The following SIRT5 variants were observed in gnomAD, a reference collection of about 807,000 sequenced individuals.
SIRT5 encodes NAD-dependent protein deacylase sirtuin-5, mitochondrial.
A neutral mutation model predicts 40.0 loss-of-function variants in SIRT5; 26 were observed. The ratio of observed to expected loss-of-function variants is 0.65; its 90% confidence interval spans 0.48 to 0.90. The LOEUF is 0.90. Ranked by LOEUF, SIRT5 falls within the 40% of genes least tolerant of loss-of-function variation. SIRT5 has a pLI of 0.00. For missense variants in SIRT5, 401 were observed against 402.4 expected, an observed-to-expected ratio of 1.00 and a Z score of 0.03; for synonymous variants, 146 against 149.1, an observed-to-expected ratio of 0.98 and a Z score of 0.15.
Position 13,613,065 on chromosome 6 carries a change from G to A in SIRT5, c.*1200G>A, listed in dbSNP as rs909512467. The A allele has an allele frequency of 2.0e-5, 3 of 152,380 alleles. No individual in the cohort carries two copies. The highest frequency in any genetic ancestry group is 2.0e-4 in the Admixed American group (3 of 15,282). The allele number at this position is 152,380 out of a possible 1,614,324, so 9.4% of individuals were successfully genotyped here. On this transcript the variant is annotated 3_prime_UTR_variant, in exon 10 of 10. Coordinates refer to ENST00000606117, the MANE Select transcript of SIRT5 (RefSeq NM_012241.5). ...CTGGAGCTAGTGAAGGAAACATAGG[G>A]TTTATTTGGGGAACCTTACAGGGTG... is the stretch of plus-strand genomic sequence containing the variant.
intron 3 of SIRT5, among the ~76,000 whole-genome samples, 184 bp from the exon 4 acceptor site, chr6:13,588,146 CT>C (rs778386439): frequency 1.3e-5 from 2 of 152,200 alleles, no homozygotes; most frequent in Non-Finnish European, 2.9e-5. Context: ...GCCCCTGCTG[CT>C]TTAAAATATT....
In SIRT5 at chr6:13,584,374, C is replaced by T. The variant is rs556069379; in HGVS notation, c.115+149C>T. The T allele has an allele frequency of 1.1e-4, 70 of 648,216 alleles. 2 individuals are homozygous for T. The highest frequency in any genetic ancestry group is 8.0e-4 in the South Asian group (42 of 52,766). 40.2% of individuals were successfully genotyped at this position (648,216 alleles called of 1,614,324 possible). A position where few individuals can be genotyped will look rare whatever the true frequency, so the allele number is the denominator to read the frequency against. On this transcript the variant is annotated intron_variant, in intron 3 of 9. Coordinates refer to ENST00000606117, the MANE Select transcript of SIRT5 (RefSeq NM_012241.5). Reference sequence around the variant, plus strand: ...TCATCTTCTCTTTTTTTTTTTGAGACGGAGTCTTGCTCTGTCGCCAGGCTG... The same window carrying T: ...TCATCTTCTCTTTTTTTTTTTGAGATGGAGTCTTGCTCTGTCGCCAGGCTG...
chr6:13,602,686 G>C (rs1177410933), intron 9 of SIRT5, among the ~76,000 whole-genome samples: 1 of 152,168 alleles, frequency 6.6e-6, no homozygotes, highest in Non-Finnish European at 1.5e-5. Context: ...AAGACAATTT[G>C]ATGAAATACA....
rs373554074 is a variant in SIRT5, at chr6:13,593,766, T to C, written c.476-1711T>C. On this transcript the variant is annotated intron_variant, in intron 5 of 9. Transcript: ENST00000606117. ...ATTATTCTATACTTAGAGAAAGAGC[T>C]TGTTAAAACTTAGACACGTTCTTTA... Among the ~76,000 whole-genome samples, 11 of 152,346 alleles carry C rather than the reference T, an allele frequency of 7.2e-5. No individual in the cohort carries two copies. The East Asian group carries it at 1.7e-3, about 24-fold the overall frequency.
At chr6:13,597,109 C>T (rs762359998) in intron 7 of SIRT5, 93 bp downstream of exon 7, 12 of 968,202 alleles carry the variant, frequency 1.2e-5, no homozygotes, top group East Asian at 2.5e-5. Context: ...TTTGGCAAGA[C>T]GCCTCTTAAA....
In SIRT5 at chr6:13,614,563, G is replaced by GGTATA. The variant is rs1764194341; in HGVS notation, c.*2698_*2699insGTATA. 6.6e-6 allele frequency: 1 copy of GGTATA among 152,248 alleles called. No homozygotes were observed. Among genetic ancestry groups the GGTATA allele is most frequent in the African/African-American group, 2.4e-5 (1 of 41,458 alleles). The allele number at this position is 152,248 out of a possible 1,614,324, so 9.4% of individuals were successfully genotyped here. ...TAAAATATACTTGGAAAAAAAGTACGTATGTGTATATACCACAAAACTCGG... is the reference window on the plus strand; with the variant it reads ...TAAAATATACTTGGAAAAAAAGTACGGTATATATGTGTATATACCACAAAACTCGG... On this transcript the variant is annotated 3_prime_UTR_variant, in exon 10 of 10. Transcript: ENST00000606117.
At chr6:13,587,555 G>T (rs1349834384) in intron 3 of SIRT5, among the ~76,000 whole-genome samples, 3 of 152,218 alleles carry the variant, frequency 2.0e-5, no homozygotes, top group Non-Finnish European at 4.4e-5. Flanking sequence ...CACTTGGGGT[G>T]CAGGGAGCCC....
chr6:13,590,322 G>T (rs1322180188), intron 4 of SIRT5, among the ~76,000 whole-genome samples: 1 of 151,966 alleles, frequency 6.6e-6, no homozygotes, highest in Admixed American at 6.6e-5. Context: ...ACCCCTACTC[G>T]GCTCCTTTAC....
intron 5 of SIRT5, 51 bp from the exon 6 acceptor site, chr6:13,595,426 G>C (rs1281117497): frequency 3.7e-6 from 5 of 1,353,218 alleles, no homozygotes; most frequent in Non-Finnish European, 4.2e-6. Flanking sequence ...CATGGAGAAG[G>C]TTGCTCTTGA....
intron 2 of SIRT5, among the ~76,000 whole-genome samples, chr6:13,581,315 C>G (rs953459117): frequency 6.6e-6 from 1 of 152,186 alleles, no homozygotes; most frequent in Admixed American, 6.5e-5. Context: ...AACTTTGATA[C>G]TTTTCTGAAG....
At chr6:13,592,034 G>A (rs1175489052) in intron 5 of SIRT5, 140 bp downstream of exon 5, 2 of 865,846 alleles carry the variant, frequency 2.3e-6, no homozygotes, top group East Asian at 5.5e-5. Context: ...ATTTCCTTTG[G>A]GGACATGTTA....
chr6:13,586,083 TG>T (rs1359535638), intron 3 of SIRT5, among the ~76,000 whole-genome samples: 1 of 152,230 alleles, frequency 6.6e-6, no homozygotes, highest in Non-Finnish European at 1.5e-5. Context: ...CACTTTTTGA[TG>T]GGGTTGTGTG....
chr6:13,574,991 G>A (rs925395876), intron 1 of SIRT5, among the ~76,000 whole-genome samples: 4 of 152,170 alleles, frequency 2.6e-5, no homozygotes, highest in Admixed American at 1.3e-4. Context: ...GATTCCGGAC[G>A]TAGTTTGAAG....
chr6:13,604,948 GAAGGAGTAACTGATCA>G, intron 9 of SIRT5: 1 of 992,278 alleles, frequency 1.0e-6, no homozygotes, highest in Non-Finnish European at 1.2e-6. Context: ...TCTCATCAAT[GAAGGAGTAACTGATCA>G]ATGAAGCCAG....
At chr6:13,604,780 CACA>C in intron 9 of SIRT5, 1 of 1,164,994 alleles carries the variant, frequency 8.6e-7, no homozygotes, top group Non-Finnish European at 1.1e-6. Flanking sequence ...CTCCTAAAAC[CACA>C]GACCTGTTTC....
intron 1 of SIRT5, among the ~76,000 whole-genome samples, chr6:13,575,939 G>C (rs1316043288): frequency 3.9e-5 from 6 of 152,128 alleles, no homozygotes; most frequent in African/African-American, 1.4e-4. Context: ...ATTTTACTTG[G>C]CCTCATGTCC....
At chr6:13,604,249 T>C (rs1762794549) in intron 9 of SIRT5, among the ~76,000 whole-genome samples, 1 of 152,260 alleles carries the variant, frequency 6.6e-6, no homozygotes. Context: ...ACTTATCTCC[T>C]GAAAAATGCA....
At chr6:13,588,974 G>T (rs1760443033) in intron 4 of SIRT5, 1 of 153,288 alleles carries the variant, frequency 6.5e-6, no homozygotes. Context: ...CCAGTTTTAA[G>T]TGTACAATTT....
intron 1 of SIRT5, 127 bp from the exon 2 acceptor site, chr6:13,579,324 G>A (rs1489007582): frequency 6.6e-6 from 1 of 152,076 alleles, no homozygotes; most frequent in African/African-American, 2.4e-5. Flanking sequence ...TTACGATCTT[G>A]GGAATAATTC....
Sources: allele counts gnomAD v4.1 joint callset (sites outside exome capture counted in the v4.1 genomes callset), GRCh38; gene constraint gnomAD v4.1.1; transcripts MANE v1.5; gene names NCBI Gene and HGNC (gene_info 2026-07-23, HGNC 2026-07-21).